HMGA2: variants seen among roughly 807,000 people sequenced by gnomAD.
HMGA2 encodes the protein high mobility group AT-hook 2, also known as high mobility group protein HMGI-C.
A neutral mutation model predicts 19.1 loss-of-function variants in HMGA2; 8 were observed. The ratio of observed to expected loss-of-function variants is 0.42; its 90% CI spans 0.25 to 0.76. The LOEUF is 0.76. Among genes scored for constraint, HMGA2 ranks in the 30% least tolerant of loss-of-function variants. HMGA2 has a pLI of 0.28. For missense variants in HMGA2, 109 were observed against 136.3 expected, an observed-to-expected ratio of 0.80 and a Z score of 1.00; for synonymous variants, 60 against 48.8, an observed-to-expected ratio of 1.23 and a Z score of -0.96.
intron 3 of HMGA2, among the ~76,000 whole-genome samples, chr12:65,847,155 C>T (rs1871265640): frequency 6.6e-6 from 1 of 152,072 alleles, no homozygotes; most frequent in Non-Finnish European, 1.5e-5. Context: ...CCTGGGGTTA[C>T]ATTCTCTCAT....
At chr12:65,855,806 A>C (rs1341040794) in intron 3 of HMGA2, 1 of 154,072 alleles carries the variant, frequency 6.5e-6, no homozygotes, top group Non-Finnish European at 1.4e-5. Flanking sequence ...TCTTTTGGAG[A>C]ATACATTTAG....
At chr12:65,907,411 CA>C (rs762897630) in intron 3 of HMGA2, among the ~76,000 whole-genome samples, 1,782 of 54,586 alleles carry the variant, frequency 0.033, 13 homozygotes, top group African/African-American at 0.074. Flanking sequence ...GATTCCGTCT[CA>C]AAAAAAAAAA....
At chr12:65,881,886 C>A (rs1226565747) in intron 3 of HMGA2, 1 of 702,680 alleles carries the variant, frequency 1.4e-6, no homozygotes, top group Admixed American at 2.0e-5. Flanking sequence ...CCCGAGAGAG[C>A]CCCGGTAGGT....
At chr12:65,956,406 T>C (rs1281264348) in intron 4 of HMGA2, 2 of 152,192 alleles carry the variant, frequency 1.3e-5, no homozygotes, top group African/African-American at 4.8e-5. Context: ...GAGAGCAAAG[T>C]AGAAACCAAG....
In HMGA2 at chr12:65,842,468, G is replaced by A. The variant is rs1250406654; in HGVS notation, c.249+3899G>A. Reference sequence around the variant, plus strand: ...AATGAAGTAACAGAGTTATATGTCAGACTAACCAAGTACCCTTGACAGTAT... The same window carrying A: ...AATGAAGTAACAGAGTTATATGTCAAACTAACCAAGTACCCTTGACAGTAT... On this transcript the variant is annotated intron_variant, in intron 3 of 4. Coordinates refer to ENST00000403681, the MANE Select transcript of HMGA2 (RefSeq NM_003483.6). 7.6e-6 allele frequency: 6 copies of A among 794,058 alleles called. No homozygotes were observed. In the East Asian group the frequency reaches 1.6e-4, roughly 21 times the overall value. The allele number at this position is 794,058 out of a possible 1,614,324, so 49.2% of individuals were successfully genotyped here.
At chr12:65,828,225 C>T in intron 2 of HMGA2, 138 bp downstream of exon 2, 1 of 713,854 alleles carries the variant, frequency 1.4e-6, no homozygotes, top group Non-Finnish European at 2.6e-6. Context: ...TTACATTTAA[C>T]ATTAGTTAGA....
chr12:65,926,434 T>TGGGGAGAGGGAGGCA (rs1463526855), intron 3 of HMGA2, among the ~76,000 whole-genome samples: 3 of 151,974 alleles, frequency 2.0e-5, no homozygotes, highest in African/African-American at 7.3e-5. Flanking sequence ...GCCTCGGAGG[T>TGGGGAGAGGGAGGCA]GGGGAGAGGG....
intron 3 of HMGA2, among the ~76,000 whole-genome samples, chr12:65,855,450 T>TCACA (rs1315312278): frequency 2.7e-3 from 283 of 106,142 alleles, no homozygotes; most frequent in African/African-American, 9.5e-3. Context: ...TCTCTCTCTC[T>TCACA]CTCTCTCTCA....
At chr12:65,914,345 G>A (rs1365513656) in intron 3 of HMGA2, among the ~76,000 whole-genome samples, 4 of 152,134 alleles carry the variant, frequency 2.6e-5, no homozygotes, top group East Asian at 3.9e-4. Flanking sequence ...CCTTTGTAGG[G>A]ACAAGGATGA....
chr12:65,923,436 C>T (rs781736905), intron 3 of HMGA2, among the ~76,000 whole-genome samples: 1 of 152,210 alleles, frequency 6.6e-6, no homozygotes, highest in Non-Finnish European at 1.5e-5. Flanking sequence ...AGGGGCTTCC[C>T]TGTGTTACAT....
intron 3 of HMGA2, among the ~76,000 whole-genome samples, chr12:65,947,572 G>C (rs902406521): frequency 1.1e-4 from 16 of 152,166 alleles, no homozygotes; most frequent in African/African-American, 3.9e-4. Context: ...CAAGCTTTTT[G>C]AAAGGTGCAA....
intron 3 of HMGA2, among the ~76,000 whole-genome samples, chr12:65,840,620 T>C (rs1870955797): frequency 6.6e-6 from 1 of 152,156 alleles, no homozygotes; most frequent in Non-Finnish European, 1.5e-5. Context: ...CATTATACTC[T>C]AATGAGCACA....
intron 3 of HMGA2, chr12:65,851,660 A>G: frequency 2.2e-6 from 1 of 445,208 alleles, no homozygotes; most frequent in Non-Finnish European, 4.5e-6. Flanking sequence ...ACTCTGTCTC[A>G]AAACAACAAC....
intron 3 of HMGA2, among the ~76,000 whole-genome samples, chr12:65,934,137 A>G (rs1875812172): frequency 6.6e-6 from 1 of 152,216 alleles, no homozygotes; most frequent in Admixed American, 6.5e-5. Context: ...ACTTAAAGAA[A>G]ATACATTCTA....
chr12:65,884,168 C>T (rs1565720853), intron 3 of HMGA2, among the ~76,000 whole-genome samples: 1 of 152,146 alleles, frequency 6.6e-6, no homozygotes, highest in Non-Finnish European at 1.5e-5. Context: ...ATCTGGCTCT[C>T]ATATTTTTTA....
chr12:65,883,482 G>A (rs1197131998), intron 3 of HMGA2, among the ~76,000 whole-genome samples: 1 of 152,182 alleles, frequency 6.6e-6, no homozygotes, highest in Non-Finnish European at 1.5e-5. Flanking sequence ...CTTTTGTGAT[G>A]AGGAAAGTGA....
chr12:65,956,453 G>A (rs770472383), intron 4 of HMGA2: 1 of 152,236 alleles, frequency 6.6e-6, no homozygotes, highest in Admixed American at 6.5e-5. Flanking sequence ...GGACATAGAA[G>A]CACAGGGAAA....
chr12:65,884,687 T>C (rs1189855678), intron 3 of HMGA2, among the ~76,000 whole-genome samples: 1 of 152,224 alleles, frequency 6.6e-6, no homozygotes, highest in African/African-American at 2.4e-5. Flanking sequence ...GAATTATGCT[T>C]CTAAATTCTC....
intron 3 of HMGA2, among the ~76,000 whole-genome samples, chr12:65,932,062 G>T (rs1390110953): frequency 6.6e-6 from 1 of 152,104 alleles, no homozygotes; most frequent in African/African-American, 2.4e-5. Context: ...ATTCTAAGAA[G>T]TATAAAACAA....
Sources: allele counts gnomAD v4.1 joint callset (sites outside exome capture counted in the v4.1 genomes callset), GRCh38; gene constraint gnomAD v4.1.1; transcripts MANE v1.5; gene names NCBI Gene and HGNC (gene_info 2026-07-23, HGNC 2026-07-21).